The following TRAPPC8 variants were observed in gnomAD, a reference collection of about 807,000 sequenced individuals.
TRAPPC8 encodes trafficking protein particle complex subunit 8, also known as general sporulation gene 1 homolog.
In TRAPPC8, 54 loss-of-function variants were observed where a neutral mutation model predicts 174.3. That is an observed-to-expected ratio of 0.31 (90% confidence interval 0.25 to 0.39). The LOEUF (loss-of-function observed/expected upper bound fraction) is 0.39, where lower values mean the gene tolerates loss of function less well. TRAPPC8 is among the 10% of genes least tolerant of loss of function. TRAPPC8 has a pLI of 1.00. For missense variants in TRAPPC8, 1,531 were observed against 1,699.1 expected, an observed-to-expected ratio of 0.90 and a Z score of 1.74; for synonymous variants, 630 against 579.9, an observed-to-expected ratio of 1.09 and a Z score of -1.24.
At chr18:31,847,288 T>C (rs2145021663) in intron 25 of TRAPPC8, among the ~76,000 whole-genome samples, 1 of 152,302 alleles carries the variant, frequency 6.6e-6, no homozygotes, top group Non-Finnish European at 1.5e-5. Context: ...TAAATACATA[T>C]GCTTTAAAAA....
intron 24 of TRAPPC8, among the ~76,000 whole-genome samples, chr18:31,851,191 C>T (rs1417568556): frequency 6.6e-6 from 1 of 152,122 alleles, no homozygotes; most frequent in Non-Finnish European, 1.5e-5. Flanking sequence ...CTTTTACACC[C>T]CAGATTCAGC....
intron 27 of TRAPPC8, among the ~76,000 whole-genome samples, chr18:31,832,910 G>A (rs537352356): frequency 3.9e-5 from 6 of 152,120 alleles, no homozygotes; most frequent in South Asian, 4.1e-4. Flanking sequence ...AATAGTAACC[G>A]TATAAGTTCA....
intron 22 of TRAPPC8, 70 bp from the exon 23 acceptor site, chr18:31,852,733 T>C (rs2033778187): frequency 8.3e-7 from 1 of 1,201,550 alleles, no homozygotes; most frequent in Non-Finnish European, 1.2e-6. Context: ...ATTCATTATT[T>C]AGACTTCCTT....
intron 11 of TRAPPC8, among the ~76,000 whole-genome samples, chr18:31,895,051 A>C (rs901338141): frequency 2.6e-5 from 4 of 152,194 alleles, no homozygotes; most frequent in Non-Finnish European, 5.9e-5. Context: ...AAAACAAAAA[A>C]TATGATTCAC....
chr18:31,866,673 C>A (rs1179514402), intron 18 of TRAPPC8, among the ~76,000 whole-genome samples, 176 bp downstream of exon 18: 2 of 152,136 alleles, frequency 1.3e-5, no homozygotes, highest in African/African-American at 2.4e-5. Context: ...ACTTTTGACG[C>A]TAGAGATGAT....
chr18:31,919,532 CAAAATAAATAAATAAATAAA>C (rs1318951168), intron 2 of TRAPPC8, among the ~76,000 whole-genome samples: 1,244 of 119,180 alleles, frequency 0.01, 20 homozygotes, highest in African/African-American at 0.037. Flanking sequence ...GACTCAGTCT[CAAAATAAATAAATAAATAAA>C]TAAATAAATA....
At chr18:31,900,278 C>A (rs1469795518) in intron 10 of TRAPPC8, among the ~76,000 whole-genome samples, 1 of 152,050 alleles carries the variant, frequency 6.6e-6, no homozygotes, top group Non-Finnish European at 1.5e-5. Flanking sequence ...AGTAAAGGTT[C>A]CTCACACAGA....
intron 28 of TRAPPC8, among the ~76,000 whole-genome samples, chr18:31,831,872 T>G (rs1322369398): frequency 6.6e-6 from 1 of 152,134 alleles, no homozygotes; most frequent in East Asian, 1.9e-4. Flanking sequence ...TCTGGATTTT[T>G]TTTTGTTGTT....
chr18:31,915,454 C>A (rs1259443645), intron 4 of TRAPPC8, among the ~76,000 whole-genome samples: 1 of 138,534 alleles, frequency 7.2e-6, no homozygotes, highest in African/African-American at 2.8e-5. Context: ...CAAAGTGAAA[C>A]CCCATCAAAA....
intron 6 of TRAPPC8, 107 bp downstream of exon 6, chr18:31,909,560 T>C: frequency 4.1e-6 from 6 of 1,456,306 alleles, no homozygotes; most frequent in Non-Finnish European, 5.4e-6. Flanking sequence ...AATATCTTTC[T>C]GTATTATGAA....
intron 27 of TRAPPC8, among the ~76,000 whole-genome samples, chr18:31,835,751 G>A (rs567188183): frequency 2.4e-4 from 37 of 152,288 alleles, no homozygotes; most frequent in South Asian, 8.3e-4. Flanking sequence ...GTGGGACTGT[G>A]AATCATCCTT....
In TRAPPC8 at chr18:31,857,867, C is replaced by A. The variant is rs2170562; in HGVS notation, c.2861G>T (p.Arg954Leu). 1.2e-6 allele frequency: 2 copies of A among 1,614,132 alleles called. No individual in the cohort carries two copies. Among genetic ancestry groups the A allele is most frequent in the Non-Finnish European group, 1.7e-6 (2 of 1,180,012 alleles). Residue 954 changes from arginine (R) to leucine (L), a missense_variant, in exon 20 of 29, where the codon CGT becomes CTT. Coordinates refer to ENST00000283351, the MANE Select transcript of TRAPPC8 (RefSeq NM_014939.5). ...ACCACCGAAAGTAAAGAACTCTGGA[C>A]GTTTAGAAACAACCTTCAATCCAGT... ...PLTGLKVVSK[R>L]PEFFTFGGNT...
At chr18:31,855,259 T>C (rs913078179) in intron 21 of TRAPPC8, among the ~76,000 whole-genome samples, 6 of 152,154 alleles carry the variant, frequency 3.9e-5, no homozygotes, top group Non-Finnish European at 8.8e-5. Context: ...AAATTTACTA[T>C]ATAAAGGAAA....
intron 12 of TRAPPC8, among the ~76,000 whole-genome samples, chr18:31,882,859 C>G (rs2035523253): frequency 6.8e-6 from 1 of 147,500 alleles, no homozygotes; most frequent in South Asian, 2.2e-4. Context: ...TCGTGGTCCA[C>G]CCACCTCAGC....
chr18:31,857,476 T>C (rs2034082628), intron 20 of TRAPPC8, 64 bp downstream of exon 20: 1 of 1,277,610 alleles, frequency 7.8e-7, no homozygotes, highest in Non-Finnish European at 1.1e-6. Flanking sequence ...TCAAAATGTT[T>C]ATCTGAATAT....
chr18:31,903,121 C>CGTGCAT (rs1555674907), intron 9 of TRAPPC8, among the ~76,000 whole-genome samples: 162 of 149,104 alleles, frequency 1.1e-3, no homozygotes, highest in African/African-American at 3.9e-3. Context: ...TGCGTGCGTG[C>CGTGCAT]GTGTGTGTGT....
intron 14 of TRAPPC8, among the ~76,000 whole-genome samples, chr18:31,872,669 T>C (rs570859663): frequency 1.3e-5 from 2 of 152,268 alleles, no homozygotes; most frequent in South Asian, 4.1e-4. Flanking sequence ...TCTGCCCGTC[T>C]TGGCCTCCCA....
chr18:31,882,664 T>TG lies in TRAPPC8; in HGVS notation c.1729-7961dup, dbSNP rs1395063034. Among the ~76,000 whole-genome samples the TG allele has an allele frequency of 9.2e-5, 14 of 152,024 alleles. 1 individual carries two copies. In the South Asian group the frequency reaches 2.1e-3, roughly 23 times the overall value. ...CAGAGTCTCGCTCTGTCGCTCAGGT[T>TG]GGAGTGAAGTGGCACGATCTCGGCC... On this transcript the variant is annotated intron_variant, in intron 12 of 28. Transcript: ENST00000283351.
At chr18:31,913,789 G>A (rs2037016884) in intron 4 of TRAPPC8, among the ~76,000 whole-genome samples, 1 of 152,070 alleles carries the variant, frequency 6.6e-6, no homozygotes, top group Non-Finnish European at 1.5e-5. Flanking sequence ...GTGTTCCGTG[G>A]AATAAAATTC....
Sources: gnomAD v4.1 joint callset for allele counts (sites outside exome capture counted in the v4.1 genomes callset) on GRCh38, gnomAD v4.1.1 for gene constraint, MANE v1.5 for transcripts, NCBI Gene and HGNC (gene_info 2026-07-23, HGNC 2026-07-21) for gene names.